Variants in BFAR observed in about 807,000 individuals in gnomAD.
The protein encoded by BFAR is bifunctional apoptosis regulator.
Under a neutral mutation model 54.4 loss-of-function variants are expected in BFAR, and 52 were observed. That is an observed-to-expected ratio of 0.96 (90% CI 0.77 to 1.21). The LOEUF is 1.21. BFAR is among the 50% of genes most tolerant of loss of function. The pLI is 0.00. For synonymous variants in BFAR, 215 were observed against 204.3 expected, an observed-to-expected ratio of 1.05 and a Z score of -0.45; for missense variants, 571 against 534.0, an observed-to-expected ratio of 1.07 and a Z score of -0.68.
At chr16:14,650,143 G>A in intron 4 of BFAR, 170 bp downstream of exon 4, 1 of 548,170 alleles carries the variant, frequency 1.8e-6, no homozygotes, top group Non-Finnish European at 2.9e-6. Flanking sequence ...CCAATATGAT[G>A]AAACCCCATC....
intron 3 of BFAR, among the ~76,000 whole-genome samples, chr16:14,649,201 A>G (rs941740741): frequency 2.7e-5 from 4 of 149,328 alleles, no homozygotes; most frequent in Non-Finnish European, 4.4e-5. Flanking sequence ...TCAGCTTCCC[A>G]AGTAGCTGGG....
At chr16:14,633,820 T>C (rs533425543) in intron 1 of BFAR, among the ~76,000 whole-genome samples, 27 of 151,960 alleles carry the variant, frequency 1.8e-4, no homozygotes, top group African/African-American at 6.3e-4. Flanking sequence ...GCCCGGCTGA[T>C]TTTTGTATTT....
intron 2 of BFAR, among the ~76,000 whole-genome samples, chr16:14,645,309 CAAAAAAAAA>C (rs1959759698): frequency 6.7e-6 from 1 of 148,330 alleles, no homozygotes; most frequent in Non-Finnish European, 1.5e-5. Flanking sequence ...GACCCTGTCT[CAAAAAAAAA>C]GAAAGAAAGA....
chr16:14,663,086 C>T (rs1297262990), intron 6 of BFAR, among the ~76,000 whole-genome samples: 3 of 152,108 alleles, frequency 2.0e-5, no homozygotes, highest in Admixed American at 1.3e-4. Context: ...GGTCAGGGGT[C>T]GATCTTTAAC....
intron 4 of BFAR, among the ~76,000 whole-genome samples, chr16:14,653,029 G>A (rs543644773): frequency 6.6e-5 from 10 of 152,154 alleles, no homozygotes; most frequent in Non-Finnish European, 1.2e-4. Context: ...GCTTTATATA[G>A]AAATTCACCT....
At chr16:14,662,212 T>C (rs1960311166) in intron 6 of BFAR, 147 bp downstream of exon 6, 2 of 946,324 alleles carry the variant, frequency 2.1e-6, no homozygotes, top group Non-Finnish European at 3.2e-6. Flanking sequence ...TAATATCCTT[T>C]GCTTTGCTTC....
chr16:14,667,347 G>GAA, intron 7 of BFAR: 1 of 406,674 alleles, frequency 2.5e-6, no homozygotes, highest in Non-Finnish European at 4.4e-6. Context: ...GTCTCAAAAG[G>GAA]AAAAAAAAAT....
intron 2 of BFAR, among the ~76,000 whole-genome samples, chr16:14,644,959 A>G (rs1312904262): frequency 1.3e-5 from 2 of 152,078 alleles, no homozygotes; most frequent in African/African-American, 4.8e-5. Flanking sequence ...TGACTTTTTA[A>G]ATTATTTATT....
At chr16:14,634,891 A>T (rs535098860) in intron 1 of BFAR, among the ~76,000 whole-genome samples, 3 of 152,236 alleles carry the variant, frequency 2.0e-5, no homozygotes, top group Non-Finnish European at 4.4e-5. Flanking sequence ...GCTAATGCAC[A>T]GAGACAAGAA....
intron 1 of BFAR, among the ~76,000 whole-genome samples, chr16:14,639,072 G>C (rs1046786069): frequency 5.3e-5 from 8 of 152,126 alleles, no homozygotes; most frequent in Admixed American, 6.6e-5. Context: ...GAAGCAAACA[G>C]GGTGCCACTG....
chr16:14,662,692 A>G (rs1960324526), intron 6 of BFAR, among the ~76,000 whole-genome samples: 1 of 151,908 alleles, frequency 6.6e-6, no homozygotes, highest in Non-Finnish European at 1.5e-5. Context: ...TAATTGTTGC[A>G]TTTTTTGCAG....
chr16:14,635,956 G>T (rs1959421629), intron 1 of BFAR, among the ~76,000 whole-genome samples: 1 of 152,118 alleles, frequency 6.6e-6, no homozygotes, highest in Non-Finnish European at 1.5e-5. Flanking sequence ...TAATGGGAGA[G>T]CCGGCTTTTG....
chr16:14,647,797 T>G (rs1959845640), intron 2 of BFAR, among the ~76,000 whole-genome samples: 1 of 152,244 alleles, frequency 6.6e-6, no homozygotes, highest in African/African-American at 2.4e-5. Flanking sequence ...CTTAAATTTC[T>G]CCACCTTGAC....
intron 6 of BFAR, among the ~76,000 whole-genome samples, chr16:14,664,592 C>G (rs900734263): frequency 6.6e-6 from 1 of 151,894 alleles, no homozygotes; most frequent in African/African-American, 2.4e-5. Context: ...CTGCACATCC[C>G]GGGTTCAAGT....
chr16:14,655,016 T>C, intron 4 of BFAR, 50 bp from the exon 5 acceptor site: 1 of 1,523,024 alleles, frequency 6.6e-7, no homozygotes. Context: ...TGTAGAGAGT[T>C]TGCTTCCAGT....
At chr16:14,646,706 C>T (rs1959806885) in intron 2 of BFAR, among the ~76,000 whole-genome samples, 2 of 151,406 alleles carry the variant, frequency 1.3e-5, no homozygotes, top group South Asian at 4.2e-4. Context: ...CCATGTTGGT[C>T]AGGCTGGTCT....
rs1297401180 is a variant in BFAR at position 14,664,922 on chromosome 16, C to A, written c.1011C>A (p.Ser337=). 6.2e-7 allele frequency: 1 copy of A among 1,614,046 alleles called. No homozygotes were observed. Among genetic ancestry groups the A allele is most frequent in the South Asian group, 1.1e-5 (1 of 91,080 alleles). ...GGAGAGAGTTCCTGGTCAAATACTC[C>A]TTCCTTCCATACCAGCTGATTGCTG... is the stretch of plus-strand genomic sequence containing the variant. ...KQWREFLVKY[S]FLPYQLIAEF... is the part of the protein sequence containing the mutation. Residue 337 remains serine, a synonymous_variant, in exon 7 of 8, where the codon TCC becomes TCA. Transcript: ENST00000261658.
chr16:14,648,884 G>A (rs1435126593), intron 3 of BFAR, among the ~76,000 whole-genome samples: 1 of 151,660 alleles, frequency 6.6e-6, no homozygotes, highest in African/African-American at 2.4e-5. Flanking sequence ...TTTTTGAGAC[G>A]GACTCTTGCT....
intron 4 of BFAR, among the ~76,000 whole-genome samples, chr16:14,653,536 G>A (rs188158779): frequency 2.1e-3 from 327 of 152,150 alleles, no homozygotes; most frequent in African/African-American, 7.6e-3. Context: ...ACGTTGGCCA[G>A]GCTGGTCTCA....
Sources: allele counts gnomAD v4.1 joint callset (sites outside exome capture counted in the v4.1 genomes callset), GRCh38; gene constraint gnomAD v4.1.1; transcripts MANE v1.5; gene names NCBI Gene and HGNC (gene_info 2026-07-23, HGNC 2026-07-21).